SSUH2: variants seen among roughly 807,000 people sequenced by gnomAD.
SSUH2 encodes ssu-2 homolog.
A neutral mutation model predicts 55.3 loss-of-function variants in SSUH2; 47 were observed. The ratio of observed to expected loss-of-function variants is 0.85; its 90% CI spans 0.67 to 1.08. The LOEUF (loss-of-function observed/expected upper bound fraction) is 1.08. Ranked by LOEUF, SSUH2 falls within the 50% of genes least tolerant of loss-of-function variation. SSUH2 has a pLI of 0.00. For synonymous variants in SSUH2, 212 were observed against 191.5 expected (o/e 1.11, Z -0.89); for missense variants, 535 against 490.7 (o/e 1.09, Z -0.85).
intron 1 of SSUH2, among the ~76,000 whole-genome samples, chr3:8,638,377 T>C (rs563904697): frequency 5.3e-5 from 8 of 152,360 alleles, no homozygotes; most frequent in South Asian, 2.1e-4. Flanking sequence ...CTAAGGTCTT[T>C]TCCTCCTGGC....
intron 11 of SSUH2, among the ~76,000 whole-genome samples, chr3:8,621,792 A>G (rs541043962): frequency 1.3e-5 from 2 of 152,312 alleles, no homozygotes; most frequent in South Asian, 2.1e-4. Context: ...AAGGACCCCA[A>G]ATAGGGACTA....
chr3:8,660,047 C>T (rs955357418), intron 6 of SSUH2, among the ~76,000 whole-genome samples: 4 of 152,212 alleles, frequency 2.6e-5, no homozygotes, highest in African/African-American at 7.2e-5. Context: ...CACTGTACCA[C>T]TCGGGTCCCA....
chr3:8,648,445 G>C (rs1248340935), upstream of SSUH2, among the ~76,000 whole-genome samples: 1 of 152,200 alleles, frequency 6.6e-6, no homozygotes, highest in Non-Finnish European at 1.5e-5. Flanking sequence ...GGAAAGCTGA[G>C]AAACTACGAT....
intron 1 of SSUH2, among the ~76,000 whole-genome samples, chr3:8,640,782 T>C (rs907301561): frequency 5.3e-5 from 8 of 152,024 alleles, no homozygotes; most frequent in African/African-American, 1.9e-4. Context: ...TCAAGAGAAA[T>C]GGGTGAAGGG....
chr3:8,633,680 G>A lies in SSUH2; in HGVS notation c.325C>T (p.Gln109Ter), dbSNP rs749444916. The A allele has an allele frequency of 7.9e-5, 120 of 1,526,378 alleles. No homozygotes were observed. The highest frequency in any genetic ancestry group is 6.8e-5 in the Non-Finnish European group (77 of 1,138,522). 94.6% of individuals were successfully genotyped at this position (1,526,378 alleles called of 1,614,324 possible). The change falls in exon 4 of 12, where the codon CAG becomes TAG. Residue 109 changes from glutamine (Q) to a stop codon, truncating the protein, a stop_gained. Coordinates refer to ENST00000544814, the MANE Select transcript of SSUH2 (RefSeq NM_001256748.3). LOFTEE classifies it high-confidence loss of function. ...GDLVIQELKR[Q>*]TLCRYRLETF... is the part of the protein sequence containing the mutation. ...TGGCCTCTCACCCTGCAGAGGGTCT[G>A]CCGCTTCAGCTCCTGGATGACGAGG...
intron 9 of SSUH2, 70 bp from the exon 10 acceptor site, chr3:8,625,717 G>A: frequency 9.2e-7 from 1 of 1,092,308 alleles, no homozygotes. Context: ...TTTGCAATCA[G>A]ACAGACCTGG....
chr3:8,651,330 G>A (rs1559481540), intron 7 of SSUH2, among the ~76,000 whole-genome samples: 1 of 152,192 alleles, frequency 6.6e-6, no homozygotes, highest in Non-Finnish European at 1.5e-5. Context: ...AGCCATCATT[G>A]CTGACGGTGA....
chr3:8,663,427 C>A (rs1575340261), intron 6 of SSUH2, among the ~76,000 whole-genome samples: 1 of 152,266 alleles, frequency 6.6e-6, no homozygotes, highest in East Asian at 1.9e-4. Context: ...TGGATTCAGA[C>A]CCCTGTCTCT....
intron 3 of SSUH2, among the ~76,000 whole-genome samples, chr3:8,675,023 C>T (rs1273453056): frequency 2.0e-5 from 3 of 152,150 alleles, no homozygotes; most frequent in African/African-American, 7.2e-5. Context: ...CCTTGTCAGT[C>T]GCCATGGAAC....
intron 3 of SSUH2, among the ~76,000 whole-genome samples, chr3:8,676,614 T>C (rs1705306915): frequency 1.3e-5 from 2 of 151,034 alleles, no homozygotes; most frequent in Non-Finnish European, 2.9e-5. Context: ...GGTGTACACA[T>C]CGTGCTCTAT....
chr3:8,663,225 C>T lies in SSUH2; in HGVS notation c.-396+519G>A, dbSNP rs142714947. Reference sequence around the variant, plus strand: ...AGTTCGTGGCACTGAGGTAACTTGCCTCAAGTACTAAGCTCAGATATAAAC... The same window carrying T: ...AGTTCGTGGCACTGAGGTAACTTGCTTCAAGTACTAAGCTCAGATATAAAC... On this transcript the variant is annotated intron_variant, in intron 6 of 18. Coordinates refer to the SSUH2 transcript ENST00000317371. Among the ~76,000 whole-genome samples the T allele has an allele frequency of 4.5e-4, 68 of 152,312 alleles. 2 individuals carry two copies. The East Asian group carries it at 0.013, about 28-fold the overall frequency.
At chr3:8,645,170 C>T (rs1280042474), upstream of SSUH2, among the ~76,000 whole-genome samples, 12 of 152,184 alleles carry the variant, frequency 7.9e-5, no homozygotes, top group Non-Finnish European at 1.3e-4. Context: ...TATTGTAGGG[C>T]GCATGCAGAA....
At chr3:8,644,492 T>C (rs910516365) in intron 1 of SSUH2, among the ~76,000 whole-genome samples, 1 of 152,144 alleles carries the variant, frequency 6.6e-6, no homozygotes, top group Non-Finnish European at 1.5e-5. Flanking sequence ...AAGCTACAGG[T>C]AGGCTTTACA....
intron 7 of SSUH2, chr3:8,629,293 G>A (rs1698266667): frequency 1.6e-5 from 4 of 249,936 alleles, no homozygotes; most frequent in Non-Finnish European, 2.3e-5. Context: ...TGCCCTGCAC[G>A]ACAAATGGAG....
chr3:8,647,462 GGT>G (rs1701833580), upstream of SSUH2, among the ~76,000 whole-genome samples: 2 of 152,194 alleles, frequency 1.3e-5, no homozygotes, highest in Admixed American at 6.5e-5. Context: ...TCAGAGTCAG[GGT>G]AGACTGAGTT....
chr3:8,626,111 T>C, intron 9 of SSUH2, 118 bp downstream of exon 9: 1 of 774,046 alleles, frequency 1.3e-6, no homozygotes, highest in South Asian at 1.6e-5. Context: ...TTCTAAGTCC[T>C]GGCAGGTTCT....
chr3:8,657,816 C>T (rs956546598), intron 7 of SSUH2, among the ~76,000 whole-genome samples: 2 of 152,238 alleles, frequency 1.3e-5, no homozygotes, highest in African/African-American at 4.8e-5. Context: ...CCCTCTTGCT[C>T]AGCAGAGAAC....
chr3:8,661,751 T>C (rs1180517163), intron 6 of SSUH2, among the ~76,000 whole-genome samples: 1 of 152,212 alleles, frequency 6.6e-6, no homozygotes, highest in Non-Finnish European at 1.5e-5. Flanking sequence ...ATGCTTAGCT[T>C]GGGGAACCTG....
chr3:8,619,684 G>A lies in SSUH2; in HGVS notation c.*184C>T. 2 of 576,278 alleles carry A rather than the reference G, an allele frequency of 3.5e-6. No individual in the cohort carries two copies. The highest frequency in any genetic ancestry group is 2.5e-5 in the South Asian group (1 of 40,248). 35.7% of individuals were successfully genotyped at this position (576,278 alleles called of 1,614,324 possible). The stretch of plus-strand genomic sequence containing the variant: ...TTGTAGGTTAAACATATGAGTCATG[G>A]ATTCCACCAGAGGAGCTGTATAAGG... On this transcript the variant is annotated 3_prime_UTR_variant, in exon 12 of 12. Transcript: ENST00000544814.
Sources: allele counts gnomAD v4.1 joint callset (sites outside exome capture counted in the v4.1 genomes callset), GRCh38; gene constraint gnomAD v4.1.1; transcripts MANE v1.5; gene names NCBI Gene and HGNC (gene_info 2026-07-23, HGNC 2026-07-21).